Variants in CACNB4 observed in about 807,000 individuals in gnomAD.
CACNB4 encodes the protein voltage-dependent L-type calcium channel subunit beta-4.
CACNB4 carries 32 observed loss-of-function variants against 71.2 expected under a neutral mutation model. The ratio of observed to expected loss-of-function variants is 0.45; its 90% confidence interval spans 0.34 to 0.60. CACNB4 has a LOEUF of 0.60. Ranked by LOEUF, CACNB4 falls within the 20% of genes least tolerant of loss-of-function variation. The pLI, the probability that CACNB4 is intolerant of heterozygous loss-of-function variation, is 0.01. For missense variants in CACNB4, 464 were observed against 647.9 expected (o/e 0.72, Z 3.08); for synonymous variants, 231 against 236.9 (o/e 0.97, Z 0.23).
chr2:151,851,033 G>A (rs2099838952), intron 12 of CACNB4: 1 of 152,124 alleles, frequency 6.6e-6, no homozygotes. Context: ...TCTTAGCAAT[G>A]TGATACTCTG....
chr2:151,936,725 A>G (rs965288286), intron 2 of CACNB4, among the ~76,000 whole-genome samples: 4 of 152,228 alleles, frequency 2.6e-5, no homozygotes, highest in African/African-American at 9.6e-5. Flanking sequence ...TCTCCCAGTA[A>G]TACGTGGTTG....
chr2:152,025,463 T>G (rs1278435403), intron 2 of CACNB4, among the ~76,000 whole-genome samples: 1 of 152,202 alleles, frequency 6.6e-6, no homozygotes, highest in Non-Finnish European at 1.5e-5. Flanking sequence ...GCTCACAGCC[T>G]CTATTGTAAG....
At chr2:152,087,606 A>G (rs2105450303) in intron 2 of CACNB4, among the ~76,000 whole-genome samples, 1 of 152,244 alleles carries the variant, frequency 6.6e-6, no homozygotes, top group African/African-American at 2.4e-5. Context: ...TCACGCCAGC[A>G]TCTACACATT....
In CACNB4 at chr2:151,876,479, T is replaced by G. The variant is rs753281593; in HGVS notation, c.468A>C (p.Arg156Ser). The change falls in exon 5 of 14, where the codon AGA (arginine) becomes AGC (serine). Residue 156 changes from arginine to serine, a missense_variant. Coordinates refer to ENST00000539935, the MANE Select transcript of CACNB4 (RefSeq NM_000726.5). Reference sequence around the variant, plus strand: ...CTTGCTGGATCCGTATGTTCTCCAATCTGAGTGGACTTGGAATGAAGCCAA... The same window carrying G: ...CTTGCTGGATCCGTATGTTCTCCAAGCTGAGTGGACTTGGAATGAAGCCAA... The part of the protein sequence containing the change: ...CEIGFIPSPL[R>S]LENIRIQQEQ... 1.9e-6 allele frequency: 3 copies of G among 1,606,620 alleles called. No individual in the cohort carries two copies. The highest frequency in any genetic ancestry group is 1.1e-5 in the South Asian group (1 of 90,356).
At chr2:151,961,765 C>CTA (rs1380792876) in intron 2 of CACNB4, among the ~76,000 whole-genome samples, 16 of 152,122 alleles carry the variant, frequency 1.1e-4, no homozygotes, top group Non-Finnish European at 1.5e-5. Flanking sequence ...ATGGCATGCA[C>CTA]CTGTAGTCCC....
At chr2:152,078,072 G>A (rs1560184397) in intron 2 of CACNB4, among the ~76,000 whole-genome samples, 1 of 152,172 alleles carries the variant, frequency 6.6e-6, no homozygotes, top group Non-Finnish European at 1.5e-5. Flanking sequence ...AGCGATGGAG[G>A]GAGGTGGCTG....
At chr2:151,971,469 G>C in intron 2 of CACNB4, 2 of 702,362 alleles carry the variant, frequency 2.8e-6, no homozygotes, top group Non-Finnish European at 5.2e-6. Context: ...AGCCATCTGA[G>C]AAAAGCCTTT....
intron 2 of CACNB4, among the ~76,000 whole-genome samples, chr2:152,055,702 A>C (rs1393413586): frequency 6.6e-6 from 1 of 152,204 alleles, no homozygotes; most frequent in Admixed American, 6.5e-5. Flanking sequence ...ATTAATCCTT[A>C]AAATAGCTTT....
At chr2:152,042,334 C>T (rs1684915536) in intron 2 of CACNB4, among the ~76,000 whole-genome samples, 1 of 152,184 alleles carries the variant, frequency 6.6e-6, no homozygotes, top group African/African-American at 2.4e-5. Flanking sequence ...GCTCCCTCCC[C>T]AGGTCTGGTT....
At chr2:151,972,705 T>A (rs1317264488) in intron 2 of CACNB4, 2 of 142,906 alleles carry the variant, frequency 1.4e-5, no homozygotes, top group Non-Finnish European at 3.2e-5. Flanking sequence ...TTTTGTTTTT[T>A]GTTTTTTTTT....
At chr2:151,880,723 T>C in intron 4 of CACNB4, 77 bp downstream of exon 4, 2 of 1,518,488 alleles carry the variant, frequency 1.3e-6, no homozygotes, top group Non-Finnish European at 1.8e-6. Flanking sequence ...GTCTCCTCTC[T>C]GGCTAGTTTG....
At position 152,061,205 on chromosome 2, in the gene CACNB4, G is replaced by A. The variant is rs570839248; in HGVS notation, c.147+37125C>T. ...CATGCCTGTAGCCTCCCAGCTACTC[G>A]GGAGGCTAGGGTAGAAGGATTGCTT... On this transcript the variant is annotated intron_variant, in intron 2 of 13. Transcript: ENST00000539935. 6.0e-4 allele frequency among the ~76,000 whole-genome samples: 91 copies of A among 152,196 alleles called. 1 individual carries two copies. In the Middle Eastern group the frequency reaches 0.017, roughly 28 times the overall value.
chr2:151,983,842 G>A (rs575625273), intron 2 of CACNB4, among the ~76,000 whole-genome samples: 13 of 152,070 alleles, frequency 8.5e-5, no homozygotes, highest in Non-Finnish European at 1.6e-4. Flanking sequence ...TGTATCTCAC[G>A]GCACCCCTAT....
chr2:152,011,526 G>A (rs1023202862), intron 2 of CACNB4, among the ~76,000 whole-genome samples: 6 of 152,140 alleles, frequency 3.9e-5, no homozygotes, highest in South Asian at 2.1e-4. Flanking sequence ...GAACCCTGCC[G>A]TCCCAGTAGC....
chr2:151,870,072 C>G, intron 8 of CACNB4: 3 of 589,118 alleles, frequency 5.1e-6, no homozygotes, highest in Non-Finnish European at 9.0e-6. Context: ...AATAAATAAG[C>G]AGAGAAGGAT....
In CACNB4 at chr2:151,841,861, C is replaced by T. The variant is rs768476843; in HGVS notation, c.1302+42G>A. On this transcript the variant is annotated intron_variant, in intron 13 of 13. Transcript: ENST00000539935. ...CTAATCAAGTTCCCATAGAATTTTA[C>T]ATGTAAGGTTGTAAAAAGCATGAGT... 1.3e-5 allele frequency: 20 copies of T among 1,565,056 alleles called. No homozygotes were observed. The East Asian group carries it at 4.5e-4, about 35-fold the overall frequency.
chr2:151,884,321 A>C lies in CACNB4; in HGVS notation c.148-951T>G, dbSNP rs575245079. On this transcript the variant is annotated intron_variant, in intron 2 of 13. Coordinates refer to ENST00000539935, the MANE Select transcript of CACNB4 (RefSeq NM_000726.5). ...TCTCAAAAAAAAAATAAAATAAAAT[A>C]AAAATAAAAAAATTAAAAAAGGCCA... 3.1e-3 allele frequency among the ~76,000 whole-genome samples: 455 copies of C among 148,568 alleles called. 23 individuals are homozygous for C. In the South Asian group the frequency reaches 0.09, roughly 29 times the overall value.
At chr2:151,944,522 T>C (rs1296165128) in intron 2 of CACNB4, among the ~76,000 whole-genome samples, 1 of 152,150 alleles carries the variant, frequency 6.6e-6, no homozygotes, top group East Asian at 1.9e-4. Context: ...CCGGGTGTGG[T>C]GGCTTACACC....
chr2:151,852,128 G>A (rs1402968515), intron 12 of CACNB4: 1 of 152,162 alleles, frequency 6.6e-6, no homozygotes, highest in Non-Finnish European at 1.5e-5. Flanking sequence ...AGAATAGATT[G>A]AATCCTAATT....
Sources: gnomAD v4.1 joint callset for allele counts (sites outside exome capture counted in the v4.1 genomes callset) on GRCh38, gnomAD v4.1.1 for gene constraint, MANE v1.5 for transcripts, NCBI Gene and HGNC (gene_info 2026-07-23, HGNC 2026-07-21) for gene names.